The following GRIK5 variants were observed in gnomAD, a reference collection of about 807,000 sequenced individuals.
GRIK5 encodes glutamate ionotropic receptor kainate type subunit 5.
GRIK5 carries 43 observed loss-of-function variants against 97.4 expected under a neutral mutation model. The ratio of observed to expected loss-of-function variants is 0.44; its 90% CI spans 0.35 to 0.57. The LOEUF is 0.57. GRIK5 is among the 20% of genes least tolerant of loss of function. The pLI, the probability that GRIK5 is intolerant of heterozygous loss-of-function variation, is 0.01. For synonymous variants in GRIK5, 580 were observed against 583.5 expected (o/e 0.99, Z 0.09); for missense variants, 1,015 against 1,382.0 (o/e 0.73, Z 4.21).
intron 15 of GRIK5, among the ~76,000 whole-genome samples, chr19:42,016,894 G>A (rs937916455): frequency 2.0e-5 from 3 of 152,038 alleles, no homozygotes; most frequent in Non-Finnish European, 2.9e-5. Context: ...TACCTGTTCT[G>A]TGATTATCTG....
chr19:42,039,632 A>C (rs1046735293), intron 12 of GRIK5, among the ~76,000 whole-genome samples: 2 of 152,216 alleles, frequency 1.3e-5, no homozygotes. Context: ...GGCACTCAAC[A>C]AACATTGGCT....
rs2146017387 is a variant in GRIK5, at chr19:42,006,089, GGAGA to G, written c.2038-145_2038-142del. ...AAAGGAAGACAGAGCCAAAGGTAGA[GGAGA>G]GAGAGGAGATGGACAAACTGTCCAG... On this transcript the variant is annotated intron_variant, in intron 16 of 19. Coordinates refer to ENST00000593562, the MANE Select transcript of GRIK5 (RefSeq NM_002088.5). The surrounding 1 kb of genome is among the most constrained non-coding windows in gnomAD (Gnocchi z 5.3). 2 of 636,752 alleles carry G rather than the reference GGAGA, an allele frequency of 3.1e-6. No individual in the cohort carries two copies. Among genetic ancestry groups the G allele is most frequent in the South Asian group, 3.6e-5 (2 of 56,106 alleles). 39.4% of individuals were successfully genotyped at this position (636,752 alleles called of 1,614,324 possible).
rs374507508 is a variant in GRIK5 at position 42,060,579 on chromosome 19, C to CT, written c.509-1053dup. Among the ~76,000 whole-genome samples the CT allele has an allele frequency of 6.8e-3, 972 of 143,850 alleles. 4 individuals carry two copies. The highest frequency in any genetic ancestry group is 9.6e-3 in the Non-Finnish European group (627 of 65,258). The allele number at this position is 143,850 out of a possible 152,430, so 94.4% of individuals were successfully genotyped here. ...CACATAGCAGCTGCTCAATAAATAC[C>CT]TTTTTTTTTTTTTTAACCATCCAGC... is the stretch of plus-strand genomic sequence containing the variant. On this transcript the variant is annotated intron_variant, in intron 5 of 19. Transcript: ENST00000593562.
intron 15 of GRIK5, among the ~76,000 whole-genome samples, chr19:42,010,023 G>A (rs2075542814): frequency 1.4e-5 from 2 of 147,552 alleles, no homozygotes; most frequent in East Asian, 2.0e-4. Context: ...CTGAGATCAC[G>A]CCACTGCACT....
rs1403310754 is a variant in GRIK5 at position 42,042,297 on chromosome 19, T to A, written c.1473+255A>T. Among the ~76,000 whole-genome samples, 1 of 152,162 alleles carries A rather than the reference T, an allele frequency of 6.6e-6. No individual in the cohort carries two copies. The highest frequency in any genetic ancestry group is 6.5e-5 in the Admixed American group (1 of 15,276). ...GCACACCGACTAATCCAAGGTGGCA[T>A]GAAAGGGGCATTTGGCAAAGCAGGA... is the stretch of plus-strand genomic sequence containing the variant. On this transcript the variant is annotated intron_variant, in intron 12 of 19. Coordinates refer to ENST00000593562, the MANE Select transcript of GRIK5 (RefSeq NM_002088.5). This position sits in a 1 kb window ranked among gnomAD's most constrained non-coding sequence, Gnocchi z 6.9.
Position 42,021,310 on chromosome 19 carries a change from CTGACACAG to C in GRIK5, c.1854_1861del (p.Cys619ArgfsTer36). On this transcript the variant is annotated frameshift_variant, in exon 15 of 20. Coordinates refer to ENST00000593562, the MANE Select transcript of GRIK5 (RefSeq NM_002088.5). LOFTEE classifies it high-confidence loss of function. The surrounding 1 kb of genome is among the most constrained non-coding windows in gnomAD (Gnocchi z 4.2). The stretch of plus-strand genomic sequence containing the variant: ...ATAGAAAGCTTCTCACCAGACTCCG[CTGACACAG>C]CGCGTGGACAGCGCCCGGGGCATGA... 1 of 1,612,218 alleles carries C rather than the reference CTGACACAG, an allele frequency of 6.2e-7. No individual in the cohort carries two copies. Among genetic ancestry groups the C allele is most frequent in the Non-Finnish European group, 8.5e-7 (1 of 1,179,702 alleles).
rs1254565947 is a variant in GRIK5 at position 42,069,718 on chromosome 19, A to AG, written c.-529dup. Among the ~76,000 whole-genome samples, 2 of 9,818 alleles carry AG rather than the reference A, an allele frequency of 2.0e-4. No homozygotes were observed. Among genetic ancestry groups the AG allele is most frequent in the Non-Finnish European group, 4.0e-4 (2 of 5,012 alleles). 6.4% of individuals were successfully genotyped at this position (9,818 alleles called of 152,430 possible). A position where few individuals can be genotyped will look rare whatever the true frequency, so the allele number is the denominator to read the frequency against. On this transcript the variant is annotated 5_prime_UTR_variant, in exon 1 of 20. Transcript: ENST00000593562. ...AGCCGGCCATCAGGAGAAGTGGGGG[A>AG]GGGGAGGGCCTGCTGGGGGAGGGGG...
rs369802021 is a variant in GRIK5, at chr19:42,026,787, T to G, written c.1474-4433A>C. 1.4e-4 allele frequency among the ~76,000 whole-genome samples: 20 copies of G among 138,100 alleles called. 1 individual carries two copies. Among genetic ancestry groups the G allele is most frequent in the Admixed American group, 1.2e-3 (17 of 13,912 alleles). The allele number at this position is 138,100 out of a possible 152,430, so 90.6% of individuals were successfully genotyped here. On this transcript the variant is annotated intron_variant, in intron 12 of 19. Transcript: ENST00000593562. ...TTCGCCATGTTGCCCAGGCTGGTCTTGAACTCCTGACCTCAGGTGATCCAC... is the reference window on the plus strand; with the variant it reads ...TTCGCCATGTTGCCCAGGCTGGTCTGGAACTCCTGACCTCAGGTGATCCAC...
intron 12 of GRIK5, among the ~76,000 whole-genome samples, chr19:42,041,860 G>A (rs2075981399): frequency 6.6e-6 from 1 of 152,170 alleles, no homozygotes; most frequent in African/African-American, 2.4e-5. Context: ...GCCCTACTGG[G>A]ATATCTGACT....
intron 6 of GRIK5, among the ~76,000 whole-genome samples, chr19:42,057,903 T>TC (rs1331096392): frequency 6.6e-6 from 1 of 152,016 alleles, no homozygotes; most frequent in Non-Finnish European, 1.5e-5. Flanking sequence ...CCCAAGTCTG[T>TC]CCCCCCACGA....
At chr19:42,034,278 T>C (rs1453754286) in intron 12 of GRIK5, among the ~76,000 whole-genome samples, 1 of 152,074 alleles carries the variant, frequency 6.6e-6, no homozygotes, top group Non-Finnish European at 1.5e-5. Context: ...GGAGGATTGC[T>C]TGAGCCTGGG....
chr19:42,001,119 C>G (rs2075419741), intron 19 of GRIK5, among the ~76,000 whole-genome samples: 1 of 152,184 alleles, frequency 6.6e-6, no homozygotes, highest in African/African-American at 2.4e-5. Context: ...GGCCAGGTAC[C>G]AGATAAGTAG....
At chr19:42,035,608 G>A (rs1010391381) in intron 12 of GRIK5, among the ~76,000 whole-genome samples, 1 of 152,136 alleles carries the variant, frequency 6.6e-6, no homozygotes, top group South Asian at 2.1e-4. Flanking sequence ...TACTTGGGAG[G>A]CTGAGGCAGA....
chr19:42,005,923 C>T lies in GRIK5; in HGVS notation c.2063G>A (p.Arg688His). 3.1e-6 allele frequency: 5 copies of T among 1,592,216 alleles called. No individual in the cohort carries two copies. Among genetic ancestry groups the T allele is most frequent in the East Asian group, 2.2e-5 (1 of 44,534 alleles). ...CTTCGACTGCATGTAGTTCCACATGCGCTGGTACGTTTGGTACCGTGAATT... is the reference window on the plus strand; with the variant it reads ...CTTCGACTGCATGTAGTTCCACATGTGCTGGTACGTTTGGTACCGTGAATT... ...FQNSRYQTYQ[R>H]MWNYMQSKQP... The change falls in exon 17 of 20, where the codon CGC becomes CAC. Residue 688 changes from arginine (R) to histidine (H), a missense_variant. Physicochemically the swap from Arg to His is conservative, Grantham distance 29. Transcript: ENST00000593562.
chr19:42,023,062 G>A (rs1002174623), intron 12 of GRIK5, among the ~76,000 whole-genome samples: 2 of 151,964 alleles, frequency 1.3e-5, no homozygotes, highest in Non-Finnish European at 2.9e-5. Flanking sequence ...TAACCACCAG[G>A]TAGAGAGAGG....
At chr19:42,015,199 G>A (rs1599759939) in intron 15 of GRIK5, among the ~76,000 whole-genome samples, 1 of 152,176 alleles carries the variant, frequency 6.6e-6, no homozygotes, top group African/African-American at 2.4e-5. Flanking sequence ...TAAATTTCCT[G>A]CAATTACAGG....
intron 17 of GRIK5, among the ~76,000 whole-genome samples, chr19:42,004,791 T>G (rs1315452170): frequency 1.3e-5 from 2 of 152,184 alleles, no homozygotes; most frequent in African/African-American, 4.8e-5. Context: ...TTTTTTAATT[T>G]TTTGTAAAGA....
At chr19:42,020,766 T>G (rs764895878) in intron 15 of GRIK5, among the ~76,000 whole-genome samples, 5 of 152,144 alleles carry the variant, frequency 3.3e-5, no homozygotes, top group Non-Finnish European at 7.4e-5. Flanking sequence ...TTAACCTATA[T>G]GGTCTAAAAG....
chr19:42,000,127 G>A (rs1048041247), intron 19 of GRIK5, among the ~76,000 whole-genome samples: 8 of 152,316 alleles, frequency 5.3e-5, no homozygotes, highest in East Asian at 3.9e-4. Flanking sequence ...GGCCAGCTCT[G>A]GTAAGGCCCA....
Sources: gnomAD v4.1 joint callset for allele counts (sites outside exome capture counted in the v4.1 genomes callset) on GRCh38, gnomAD v4.1.1 for gene constraint, Gnocchi (gnomAD v3.1) non-coding constraint, MANE v1.5 for transcripts, NCBI Gene and HGNC (gene_info 2026-07-23, HGNC 2026-07-21) for gene names.